ANKFN1: variants seen among roughly 807,000 people sequenced by gnomAD.
The protein encoded by ANKFN1 is ankyrin repeat and fibronectin type III domain containing 1, also known as ankyrin repeat and fibronectin type-III domain-containing protein 1.
In ANKFN1, 74 loss-of-function variants were observed where a neutral mutation model predicts 108.7. The observed-to-expected ratio is 0.68, with a 90% CI of 0.56 to 0.83. The LOEUF is 0.83. Among genes scored for constraint, ANKFN1 ranks in the 40% least tolerant of loss-of-function variants. The probability of loss-of-function intolerance (pLI) is 0.00; values close to 1 mark genes in which losing one functional copy is unlikely to be tolerated. For missense variants in ANKFN1, 1,505 were observed against 1,382.3 expected (o/e 1.09, Z -1.41); for synonymous variants, 547 against 516.2 (o/e 1.06, Z -0.81).
At chr17:56,054,054 A>G (rs1904824107) in intron 4 of ANKFN1, among the ~76,000 whole-genome samples, 2 of 152,126 alleles carry the variant, frequency 1.3e-5, no homozygotes. Flanking sequence ...ACTCCATATT[A>G]AAAAGTCAAC....
At chr17:56,100,270 G>T (rs1217567700) in intron 4 of ANKFN1, among the ~76,000 whole-genome samples, 1 of 152,186 alleles carries the variant, frequency 6.6e-6, no homozygotes, top group Admixed American at 6.5e-5. Flanking sequence ...TATGGAAAAT[G>T]AGATTGTGGA....
chr17:56,429,191 T>G (rs1365058565), intron 8 of ANKFN1, among the ~76,000 whole-genome samples: 1 of 151,826 alleles, frequency 6.6e-6, no homozygotes, highest in Non-Finnish European at 1.5e-5. Flanking sequence ...GTGAAAAAAA[T>G]AAAATAAGAT....
At chr17:56,173,208 T>G (rs989073949) in intron 1 of ANKFN1, among the ~76,000 whole-genome samples, 8 of 152,200 alleles carry the variant, frequency 5.3e-5, no homozygotes, top group Non-Finnish European at 1.0e-4. Flanking sequence ...GGCTCCCCTC[T>G]CTGGTCACTC....
At chr17:56,386,327 G>A (rs967979515) in intron 8 of ANKFN1, among the ~76,000 whole-genome samples, 2 of 151,992 alleles carry the variant, frequency 1.3e-5, no homozygotes, top group Admixed American at 6.6e-5. Context: ...GTTGTGGGGT[G>A]GGGGGAGCGG....
At chr17:56,105,711 CTGTGTGTGTGTGTGTG>C (rs147924842) in intron 4 of ANKFN1, among the ~76,000 whole-genome samples, 1 of 144,544 alleles carries the variant, frequency 6.9e-6, no homozygotes, top group South Asian at 2.3e-4. Flanking sequence ...GTTTTTTTGT[CTGTGTGTGTGTGTGTG>C]TGTGTGTGTG....
intron 18 of ANKFN1, among the ~76,000 whole-genome samples, chr17:56,489,308 C>T (rs2050953612): frequency 6.6e-6 from 1 of 152,144 alleles, no homozygotes; most frequent in Admixed American, 6.6e-5. Context: ...CCGTAAAATG[C>T]ATGAGATTCA....
At chr17:56,071,559 A>C (rs970215489) in intron 4 of ANKFN1, among the ~76,000 whole-genome samples, 6 of 152,234 alleles carry the variant, frequency 3.9e-5, no homozygotes, top group African/African-American at 1.4e-4. Flanking sequence ...TTAAGAATCA[A>C]CCTAATGCCA....
At chr17:56,296,362 C>G (rs527566305) in intron 3 of ANKFN1, among the ~76,000 whole-genome samples, 1 of 152,216 alleles carries the variant, frequency 6.6e-6, no homozygotes, top group South Asian at 2.1e-4. Flanking sequence ...AGATTAAATA[C>G]TAGATATCTT....
intron 4 of ANKFN1, among the ~76,000 whole-genome samples, chr17:56,091,796 T>G (rs867439022): frequency 5.3e-5 from 8 of 151,444 alleles, no homozygotes; most frequent in African/African-American, 1.5e-4. Flanking sequence ...GAGAGGATTG[T>G]GATTCCAGCT....
intron 6 of ANKFN1, among the ~76,000 whole-genome samples, chr17:56,361,079 A>G (rs1385285621): frequency 6.6e-6 from 1 of 152,118 alleles, no homozygotes; most frequent in Admixed American, 6.6e-5. Context: ...AAGTGAGATC[A>G]TCCATTATCT....
At chr17:56,471,690 A>G (rs2050322638) in intron 15 of ANKFN1, 1 of 152,258 alleles carries the variant, frequency 6.6e-6, no homozygotes, top group Non-Finnish European at 1.5e-5. Flanking sequence ...TATCCATATA[A>G]TGGAATATTA....
intron 3 of ANKFN1, among the ~76,000 whole-genome samples, chr17:56,280,411 G>C (rs1231239983): frequency 2.0e-5 from 3 of 152,218 alleles, no homozygotes; most frequent in African/African-American, 7.2e-5. Context: ...CATCAGAGTT[G>C]CTGGTTCTTG....
At chr17:56,323,265 C>A (rs1160483261) in intron 3 of ANKFN1, 1 of 152,228 alleles carries the variant, frequency 6.6e-6, no homozygotes, top group Non-Finnish European at 1.5e-5. Flanking sequence ...GCCTTTAGAT[C>A]CCATCTCGTG....
chr17:56,240,806 C>A (rs1917526589), intron 3 of ANKFN1, among the ~76,000 whole-genome samples: 1 of 151,816 alleles, frequency 6.6e-6, no homozygotes, highest in African/African-American at 2.4e-5. Flanking sequence ...TAATATGTTT[C>A]TTGGTCATAT....
chr17:56,460,791 T>G (rs2049878732), intron 14 of ANKFN1, among the ~76,000 whole-genome samples: 1 of 152,072 alleles, frequency 6.6e-6, no homozygotes, highest in Non-Finnish European at 1.5e-5. Flanking sequence ...AATCTCCCCC[T>G]AAATTCCTCT....
intron 8 of ANKFN1, among the ~76,000 whole-genome samples, chr17:56,415,201 A>G (rs2048207607): frequency 6.6e-6 from 1 of 152,198 alleles, no homozygotes. Flanking sequence ...TGGAAGTCCT[A>G]GCTAGTGCAA....
chr17:56,140,961 T>C (rs1390735283), intron 4 of ANKFN1, among the ~76,000 whole-genome samples: 1 of 152,208 alleles, frequency 6.6e-6, no homozygotes, highest in Non-Finnish European at 1.5e-5. Context: ...TGTGTTTCTT[T>C]ATATCTCCAC....
intron 1 of ANKFN1, among the ~76,000 whole-genome samples, chr17:56,164,716 C>A (rs535119314): frequency 7.9e-5 from 12 of 152,268 alleles, no homozygotes; most frequent in African/African-American, 2.9e-4. Context: ...GTAGATTATT[C>A]TTGGGGCCTC....
intron 4 of ANKFN1, among the ~76,000 whole-genome samples, chr17:56,348,020 G>A (rs1296581134): frequency 6.6e-6 from 1 of 151,984 alleles, no homozygotes; most frequent in Non-Finnish European, 1.5e-5. Context: ...AATGCTGAAG[G>A]AAAAAGCTAG....
Sources: allele counts gnomAD v4.1 joint callset (sites outside exome capture counted in the v4.1 genomes callset), GRCh38; gene constraint gnomAD v4.1.1; transcripts MANE v1.5; gene names NCBI Gene and HGNC (gene_info 2026-07-23, HGNC 2026-07-21).